Variants in TMEM243 observed in about 807,000 individuals in gnomAD.
TMEM243 encodes transmembrane protein 243.
A neutral mutation model predicts 15.0 loss-of-function variants in TMEM243; 20 were observed. That is an observed-to-expected ratio of 1.33 (90% confidence interval 0.94 to 1.93). The LOEUF (loss-of-function observed/expected upper bound fraction) is 1.93. TMEM243 is among the 30% of genes most tolerant of loss of function. The pLI is 0.00. For synonymous variants in TMEM243, 72 were observed against 52.7 expected, an observed-to-expected ratio of 1.37 and a Z score of -1.59; for missense variants, 156 against 142.1, an observed-to-expected ratio of 1.10 and a Z score of -0.50.
chr7:87,217,758 G>A (rs1487007355), intron 1 of TMEM243, among the ~76,000 whole-genome samples: 1 of 150,956 alleles, frequency 6.6e-6, no homozygotes, highest in Non-Finnish European at 1.5e-5. Flanking sequence ...TATTCTTGTA[G>A]TAAGTAAGTA....
Position 87,219,715 on chromosome 7 carries a change from G to A in TMEM243, c.-212C>T. The A allele has an allele frequency of 1.7e-6, 1 of 577,948 alleles. No individual in the cohort carries two copies. Among genetic ancestry groups the A allele is most frequent in the Non-Finnish European group, 3.1e-6 (1 of 326,440 alleles). 35.8% of individuals were successfully genotyped at this position (577,948 alleles called of 1,614,324 possible). ...GGCCCCGCGCACCTCCTCATCTTGAGCAGCTGCCGCAGGAAGTGAAAGGAA... is the reference window on the plus strand; with the variant it reads ...GGCCCCGCGCACCTCCTCATCTTGAACAGCTGCCGCAGGAAGTGAAAGGAA... On this transcript the variant is annotated 5_prime_UTR_variant, in exon 1 of 4. Coordinates refer to ENST00000257637, the MANE Select transcript of TMEM243 (RefSeq NM_024315.4).
At chr7:87,208,268 A>T (rs999966667) in intron 1 of TMEM243, among the ~76,000 whole-genome samples, 1 of 152,244 alleles carries the variant, frequency 6.6e-6, no homozygotes, top group Non-Finnish European at 1.5e-5. Flanking sequence ...AAAGCAAGTT[A>T]GTTACTTCCT....
chr7:87,217,785 T>A (rs1429874431), intron 1 of TMEM243, among the ~76,000 whole-genome samples: 1 of 152,240 alleles, frequency 6.6e-6, no homozygotes, highest in Non-Finnish European at 1.5e-5. Flanking sequence ...AAAAGATACA[T>A]TTGGAATAAT....
intron 1 of TMEM243, among the ~76,000 whole-genome samples, chr7:87,214,559 C>A (rs1062274): frequency 1.3e-5 from 2 of 152,124 alleles, no homozygotes; most frequent in Admixed American, 6.5e-5. Flanking sequence ...AAAGGCCACA[C>A]CACCTAAACA....
chr7:87,209,565 AGAGAGAGACAGT>A (rs1369193252), intron 1 of TMEM243, among the ~76,000 whole-genome samples: 5 of 149,612 alleles, frequency 3.3e-5, no homozygotes, highest in Non-Finnish European at 7.4e-5. Context: ...AGAGACAATG[AGAGAGAGACAGT>A]GAGAGAGACA....
intron 1 of TMEM243, among the ~76,000 whole-genome samples, chr7:87,201,147 A>G (rs1801778313): frequency 6.6e-6 from 1 of 152,228 alleles, no homozygotes; most frequent in Non-Finnish European, 1.5e-5. Context: ...GATGGGATGA[A>G]CTATTTCGGA....
chr7:87,213,766 C>T (rs1311761420), intron 1 of TMEM243, among the ~76,000 whole-genome samples: 1 of 137,244 alleles, frequency 7.3e-6, no homozygotes, highest in African/African-American at 2.8e-5. Context: ...TGCTTTTCAC[C>T]GTCTTTGTTT....
At chr7:87,219,404 T>C in intron 1 of TMEM243, 22 bp downstream of exon 1, 3 of 1,612,528 alleles carry the variant, frequency 1.9e-6, no homozygotes, top group Non-Finnish European at 2.5e-6. Context: ...CATCCCAGTC[T>C]GGAGTCACAA....
intron 1 of TMEM243, among the ~76,000 whole-genome samples, chr7:87,212,103 A>G (rs758551626): frequency 5.3e-5 from 8 of 152,230 alleles, no homozygotes; most frequent in Admixed American, 1.3e-4. Context: ...TACCATGTGA[A>G]GTCGTAATAA....
Position 87,196,583 on chromosome 7 carries a change from T to C in TMEM243, c.*53A>G. Reference sequence around the variant, plus strand: ...CATACCTTATCCAAAAATTACTCACTGTCCTAATGTATCATTTTGAAGAGT... The same window carrying C: ...CATACCTTATCCAAAAATTACTCACCGTCCTAATGTATCATTTTGAAGAGT... On this transcript the variant is annotated 3_prime_UTR_variant, in exon 4 of 4. Coordinates refer to ENST00000257637, the MANE Select transcript of TMEM243 (RefSeq NM_024315.4). 2 of 1,543,462 alleles carry C rather than the reference T, an allele frequency of 1.3e-6. No individual in the cohort carries two copies. The highest frequency in any genetic ancestry group is 1.7e-6 in the Non-Finnish European group (2 of 1,152,742).
intron 1 of TMEM243, among the ~76,000 whole-genome samples, chr7:87,210,801 T>TC: frequency 6.6e-6 from 1 of 152,210 alleles, no homozygotes; most frequent in East Asian, 1.9e-4. Context: ...CCATAACGGC[T>TC]CCCCCTTGCA....
chr7:87,207,922 G>A (rs1802346725), intron 1 of TMEM243, among the ~76,000 whole-genome samples: 1 of 152,074 alleles, frequency 6.6e-6, no homozygotes, highest in South Asian at 2.1e-4. Flanking sequence ...CAGAGCTCAT[G>A]CCCCTGTGTA....
Position 87,197,972 on chromosome 7 carries a change from A to T in TMEM243, c.203T>A (p.Ile68Asn). The stretch of plus-strand genomic sequence containing the variant: ...GCAGGCAGTAATACTACTCAAAGAG[A>T]TGCAGACAGCAAAGAATATATTCAA... Reference protein sequence around the residue: ...KPLNIFFAVCISLSSITACIL... With the variant: ...KPLNIFFAVCNSLSSITACIL... The change falls in exon 3 of 4, where the codon ATC (isoleucine) becomes AAC (asparagine). Residue 68 changes from isoleucine (I) to asparagine (N), a missense_variant. Physicochemically the swap from Ile to Asn is moderately radical, Grantham distance 149 (BLOSUM62 -3). Transcript: ENST00000257637. 3 of 1,613,110 alleles carry T rather than the reference A, an allele frequency of 1.9e-6. No homozygotes were observed. Among genetic ancestry groups the T allele is most frequent in the Non-Finnish European group, 2.5e-6 (3 of 1,179,362 alleles).
chr7:87,203,159 T>A (rs752857425), intron 1 of TMEM243: 1 of 152,240 alleles, frequency 6.6e-6, no homozygotes, highest in Non-Finnish European at 1.5e-5. Context: ...GTATTCAGCC[T>A]TCCATTTCCA....
chr7:87,214,410 G>C (rs1412517150), intron 1 of TMEM243, among the ~76,000 whole-genome samples: 1 of 152,140 alleles, frequency 6.6e-6, no homozygotes, highest in African/African-American at 2.4e-5. Flanking sequence ...TTTACCCTAG[G>C]GGGCAGGATG....
At position 87,196,640 on chromosome 7, in the gene TMEM243, C is replaced by G. The variant is rs757517600; in HGVS notation, c.353G>C (p.Arg118Thr). The G allele has an allele frequency of 1.2e-6, 2 of 1,608,096 alleles. No individual in the cohort carries two copies. The highest frequency in any genetic ancestry group is 1.7e-6 in the Non-Finnish European group (2 of 1,177,464). The part of the protein sequence containing the change: ...CANLYFHDVG[R>T] ...AAGTACTTCTCCTTGGCAGCCTCAC[C>G]TTCCCACATCATGGAAGTACAGGTT... The change falls in exon 4 of 4, where the codon AGG becomes ACG. Residue 118 changes from arginine to threonine, a missense_variant. Transcript: ENST00000257637.
intron 3 of TMEM243, 37 bp from the exon 4 acceptor site, chr7:87,196,795 A>C (rs1801302389): frequency 7.1e-7 from 1 of 1,412,900 alleles, no homozygotes; most frequent in African/African-American, 1.5e-5. Context: ...TTAAAATTTG[A>C]AATATAACAT....
At position 87,199,048 on chromosome 7, in the gene TMEM243, TGATTC is replaced by T. The variant is rs1481906420; in HGVS notation, c.83_87del (p.Arg28HisfsTer43). 7 of 1,606,376 alleles carry T rather than the reference TGATTC, an allele frequency of 4.4e-6. No individual in the cohort carries two copies. The South Asian group carries it at 6.7e-5, about 15-fold the overall frequency. The stretch of plus-strand genomic sequence containing the variant: ...GTTAAGCTGCCAACAACTAAATTGA[TGATTC>T]GATCCTGAAAGAGAAAAGAATTTTT... On this transcript the variant is annotated frameshift_variant, in exon 2 of 4. Coordinates refer to ENST00000257637, the MANE Select transcript of TMEM243 (RefSeq NM_024315.4). LOFTEE classifies it high-confidence loss of function.
intron 1 of TMEM243, among the ~76,000 whole-genome samples, chr7:87,214,375 A>T (rs141313993): frequency 6.6e-6 from 1 of 152,298 alleles, no homozygotes; most frequent in Non-Finnish European, 1.5e-5. Flanking sequence ...TGGGCAGAAG[A>T]GGGGAGGACA....
Sources: gnomAD v4.1 joint callset for allele counts (sites outside exome capture counted in the v4.1 genomes callset) on GRCh38, gnomAD v4.1.1 for gene constraint, MANE v1.5 for transcripts, NCBI Gene and HGNC (gene_info 2026-07-23, HGNC 2026-07-21) for gene names.